The following TMTC2 variants were observed in gnomAD, a reference collection of about 807,000 sequenced individuals.
The protein encoded by TMTC2 is protein O-mannosyl-transferase TMTC2.
In TMTC2, 43 loss-of-function variants were observed where a neutral mutation model predicts 82.4. The ratio of observed to expected loss-of-function variants is 0.52; its 90% CI spans 0.41 to 0.67. The LOEUF (loss-of-function observed/expected upper bound fraction) is 0.67. TMTC2 is among the 30% of genes least tolerant of loss of function. TMTC2 has a pLI of 0.00. For missense variants in TMTC2, 919 were observed against 1,012.4 expected (o/e 0.91, Z 1.25); for synonymous variants, 408 against 381.9 (o/e 1.07, Z -0.80).
At chr12:82,973,679 G>A (rs1221454933) in intron 7 of TMTC2, among the ~76,000 whole-genome samples, 11 of 152,164 alleles carry the variant, frequency 7.2e-5, no homozygotes, top group African/African-American at 2.7e-4. Context: ...ACAAAGGCTA[G>A]CATCCAGTTC....
At chr12:82,815,626 T>G (rs1250342045) in intron 1 of TMTC2, among the ~76,000 whole-genome samples, 2 of 152,106 alleles carry the variant, frequency 1.3e-5, no homozygotes, top group African/African-American at 4.8e-5. Flanking sequence ...GCATCTGCTC[T>G]ACTGAAGATA....
At chr12:83,078,127 A>T (rs1243016711) in intron 11 of TMTC2, among the ~76,000 whole-genome samples, 1 of 152,010 alleles carries the variant, frequency 6.6e-6, no homozygotes. Context: ...GAGAAATTTG[A>T]TAAGACAAAC....
At chr12:82,719,072 TATATATATATA>T (rs1422259205) in intron 1 of TMTC2, among the ~76,000 whole-genome samples, 5 of 88,656 alleles carry the variant, frequency 5.6e-5, no homozygotes, top group African/African-American at 2.6e-4. Flanking sequence ...TATATATATA[TATATATATATA>T]TATTTTTTTT....
chr12:83,023,326 C>T (rs564128441), intron 8 of TMTC2, among the ~76,000 whole-genome samples: 1 of 152,174 alleles, frequency 6.6e-6, no homozygotes, highest in African/African-American at 2.4e-5. Flanking sequence ...GCAAACTATT[C>T]CTATGTGCCC....
chr12:82,827,645 T>A (rs1012990366), intron 1 of TMTC2, among the ~76,000 whole-genome samples: 1 of 149,648 alleles, frequency 6.7e-6, no homozygotes, highest in Non-Finnish European at 1.5e-5. Context: ...GATGAACATC[T>A]TCTTTCTTTT....
chr12:82,732,444 G>A (rs969854299), intron 1 of TMTC2, among the ~76,000 whole-genome samples: 2 of 151,940 alleles, frequency 1.3e-5, no homozygotes, highest in African/African-American at 4.8e-5. Context: ...CCAGGTTCAC[G>A]CCATTCTCCT....
intron 8 of TMTC2, among the ~76,000 whole-genome samples, chr12:83,001,664 A>T (rs7485212): frequency 0.76 from 106,783 of 141,198 alleles, 41,885 homozygotes; most frequent in South Asian, 0.93. Flanking sequence ...AGAAAAAGAA[A>T]AAGTAATGTC....
chr12:82,874,024 C>A (rs1872349226), intron 2 of TMTC2, among the ~76,000 whole-genome samples: 1 of 152,122 alleles, frequency 6.6e-6, no homozygotes, highest in Non-Finnish European at 1.5e-5. Flanking sequence ...ATTTAATATG[C>A]TATTAAGACA....
intron 4 of TMTC2, among the ~76,000 whole-genome samples, chr12:82,947,059 TAAC>T (rs1205046369): frequency 6.6e-6 from 1 of 152,024 alleles, no homozygotes; most frequent in East Asian, 1.9e-4. Context: ...GCACTTTCTT[TAAC>T]AACAGAAATT....
At chr12:83,078,088 A>T (rs1402622299) in intron 11 of TMTC2, among the ~76,000 whole-genome samples, 1 of 152,022 alleles carries the variant, frequency 6.6e-6, no homozygotes, top group Admixed American at 6.6e-5. Context: ...AAGGTAGGCC[A>T]GGTGATCGGA....
intron 7 of TMTC2, among the ~76,000 whole-genome samples, chr12:82,975,722 G>A (rs2137319972): frequency 9.6e-6 from 1 of 104,044 alleles, no homozygotes; most frequent in South Asian, 4.5e-4. Flanking sequence ...GATCTGTGTG[G>A]AGTTGAAAAG....
At chr12:82,952,364 C>G (rs1877393034) in intron 4 of TMTC2, among the ~76,000 whole-genome samples, 2 of 151,948 alleles carry the variant, frequency 1.3e-5, no homozygotes, top group African/African-American at 4.8e-5. Context: ...AAGTTTTATT[C>G]TTGGCAGTTG....
intron 8 of TMTC2, among the ~76,000 whole-genome samples, chr12:83,007,581 A>G (rs1015558125): frequency 2.6e-5 from 4 of 152,122 alleles, no homozygotes; most frequent in African/African-American, 9.7e-5. Flanking sequence ...CCTGTCCTTT[A>G]TGACATCTCT....
chr12:82,716,339 C>A (rs1873895032), intron 1 of TMTC2, among the ~76,000 whole-genome samples: 1 of 150,904 alleles, frequency 6.6e-6, no homozygotes, highest in Non-Finnish European at 1.5e-5. Flanking sequence ...GGTACATTCA[C>A]ATTCGTATGC....
intron 1 of TMTC2, among the ~76,000 whole-genome samples, chr12:82,852,629 G>T (rs769863571): frequency 1.1e-4 from 16 of 152,026 alleles, no homozygotes; most frequent in Non-Finnish European, 2.1e-4. Context: ...TTGAGTCAAG[G>T]TGTTTCATTA....
chr12:82,995,398 GT>G (rs1318982089), intron 8 of TMTC2, among the ~76,000 whole-genome samples: 1 of 151,866 alleles, frequency 6.6e-6, no homozygotes, highest in African/African-American at 2.4e-5. Context: ...GAAGGTCTTC[GT>G]TTTTGCAGAC....
chr12:82,878,746 T>G (rs988948215), intron 2 of TMTC2, among the ~76,000 whole-genome samples: 7 of 152,100 alleles, frequency 4.6e-5, no homozygotes, highest in Non-Finnish European at 8.8e-5. Flanking sequence ...ATTAAAAATA[T>G]AAATGAATGA....
At position 82,687,549 on chromosome 12, in the gene TMTC2, C is replaced by T; in HGVS notation, c.-38C>T. On this transcript the variant is annotated 5_prime_UTR_variant, in exon 1 of 12. Transcript: ENST00000321196. ...TGTTTTTTGTTGCCGCTGCTGCCCTCGCGCTGGGAGCCGAGCCGGAGGGAA... is the reference window on the plus strand; with the variant it reads ...TGTTTTTTGTTGCCGCTGCTGCCCTTGCGCTGGGAGCCGAGCCGGAGGGAA... The T allele has an allele frequency of 2.5e-6, 4 of 1,574,600 alleles. No homozygotes were observed. The highest frequency in any genetic ancestry group is 3.4e-6 in the Non-Finnish European group (4 of 1,159,798).
At chr12:83,128,630 A>G (rs908224637) in intron 11 of TMTC2, among the ~76,000 whole-genome samples, 1 of 152,170 alleles carries the variant, frequency 6.6e-6, no homozygotes, top group Admixed American at 6.5e-5. Context: ...TAATGAGCTT[A>G]CAAGGCACCT....
Sources: allele counts gnomAD v4.1 joint callset (sites outside exome capture counted in the v4.1 genomes callset), GRCh38; gene constraint gnomAD v4.1.1; transcripts MANE v1.5; gene names NCBI Gene and HGNC (gene_info 2026-07-23, HGNC 2026-07-21).